AOC1: variants seen among roughly 807,000 people sequenced by gnomAD.
AOC1 encodes the protein amine oxidase copper containing 1, also known as diamine oxidase [copper-containing].
Under a neutral mutation model 57.1 loss-of-function variants are expected in AOC1, and 58 were observed. The ratio of observed to expected loss-of-function variants is 1.02; its 90% confidence interval spans 0.82 to 1.26. The LOEUF is 1.26. AOC1 is among the 50% of genes most tolerant of loss of function. The pLI is 0.00. For missense variants in AOC1, 917 were observed against 1,005.3 expected (o/e 0.91, Z 1.19); for synonymous variants, 401 against 423.4 (o/e 0.95, Z 0.65).
At position 150,858,143 on chromosome 7, in the gene AOC1, G is replaced by A. The variant is rs1348618466; in HGVS notation, c.1570+103G>A. On this transcript the variant is annotated intron_variant, in intron 2 of 4. Transcript: ENST00000360937. ...TAACTCCCTGGTGGTGGAAAGTTAG[G>A]AGCATTTGCCAAGCCTGCTTCTGTA... 50 of 1,418,612 alleles carry A rather than the reference G, an allele frequency of 3.5e-5. 1 individual carries two copies. Among genetic ancestry groups the A allele is most frequent in the Non-Finnish European group, 4.6e-5 (49 of 1,066,422 alleles). 87.9% of individuals were successfully genotyped at this position (1,418,612 alleles called of 1,614,324 possible). A position where few individuals can be genotyped will look rare whatever the true frequency, so the allele number is the denominator to read the frequency against.
At position 150,857,828 on chromosome 7, in the gene AOC1, G is replaced by T. The variant is rs765176273; in HGVS notation, c.1358G>T (p.Arg453Leu). 3 of 1,614,010 alleles carry T rather than the reference G, an allele frequency of 1.9e-6. No homozygotes were observed. The highest frequency in any genetic ancestry group is 4.5e-5 in the East Asian group (2 of 44,888). Residue 453 changes from arginine to leucine, a missense_variant, in exon 2 of 5, where the codon CGG becomes CTG. Arg to Leu is a moderately radical substitution (Grantham distance 102, BLOSUM62 -2). Coordinates refer to ENST00000360937, the MANE Select transcript of AOC1 (RefSeq NM_001091.4). The surrounding 1 kb of genome is among the most constrained non-coding windows in gnomAD (Gnocchi z 6.6). ...AGLKGQVLVL[R>L]TTSTVYNYDY... ...CTGAAGGGCCAGGTGCTGGTGCTGC[G>T]GACAACTTCAACTGTCTACAATTAT...
upstream of AOC1, chr7:150,852,422 T>C (rs1196992600): frequency 2.0e-5 from 3 of 152,524 alleles, no homozygotes; most frequent in Non-Finnish European, 4.4e-5. The surrounding 1 kb of genome is among the most constrained non-coding windows in gnomAD (Gnocchi z 4.6). Flanking sequence ...TCCCAAGCCA[T>C]AGGCCCCTCC....
At position 150,857,033 on chromosome 7, in the gene AOC1, C is replaced by T. The variant is rs1341632490; in HGVS notation, c.563C>T (p.Ala188Val). 2.5e-6 allele frequency: 4 copies of T among 1,614,066 alleles called. No homozygotes were observed. The highest frequency in any genetic ancestry group is 2.2e-5 in the East Asian group (1 of 44,886). Residue 188 changes from alanine to valine, a missense_variant, in exon 2 of 5, where the codon GCC becomes GTC. By Grantham distance (64) the Ala-to-Val change is moderately conservative. Coordinates refer to ENST00000360937, the MANE Select transcript of AOC1 (RefSeq NM_001091.4). The surrounding 1 kb of genome is among the most constrained non-coding windows in gnomAD (Gnocchi z 6.6). ...AGATGCCTGGCCTTCACCGATGTGG[C>T]CCCCCGGGGTGTGGCTTCTGGCCAG... The part of the protein sequence containing the change: ...HDRCLAFTDV[A>V]PRGVASGQRR...
In AOC1 at chr7:150,857,039, G is replaced by T; in HGVS notation, c.569G>T (p.Arg190Leu). ...CTGGCCTTCACCGATGTGGCCCCCC[G>T]GGGTGTGGCTTCTGGCCAGCGCCGC... The part of the protein sequence containing the change: ...RCLAFTDVAP[R>L]GVASGQRRSW... The change falls in exon 2 of 5, where the codon CGG becomes CTG. Residue 190 changes from arginine (R) to leucine (L), a missense_variant. By Grantham distance (102) the Arg-to-Leu change is moderately radical. Coordinates refer to ENST00000360937, the MANE Select transcript of AOC1 (RefSeq NM_001091.4). The surrounding 1 kb of genome is among the most constrained non-coding windows in gnomAD (Gnocchi z 6.6). 3 of 1,614,116 alleles carry T rather than the reference G, an allele frequency of 1.9e-6. No individual in the cohort carries two copies. Among genetic ancestry groups the T allele is most frequent in the Middle Eastern group, 1.6e-4 (1 of 6,062 alleles).
intron 3 of AOC1, 39 bp downstream of exon 3, chr7:150,859,087 C>T: frequency 6.7e-7 from 1 of 1,499,906 alleles, no homozygotes; most frequent in Non-Finnish European, 8.9e-7. Context: ...GGGTCAGTGG[C>T]TTCCCTCAGT....
rs757026341 is a variant in AOC1 at position 150,859,002 on chromosome 7, G to T, written c.1810G>T (p.Val604Leu). Residue 604 changes from valine (V) to leucine (L), a missense_variant, in exon 3 of 5, where the codon GTG (valine) becomes TTG (leucine). Coordinates refer to ENST00000360937, the MANE Select transcript of AOC1 (RefSeq NM_001091.4). ...RLQIHSMADQ[V>L]LPPGWQEEQA... ...GCAGATCCACTCCATGGCCGACCAG[G>T]TGCTGCCCCCAGGCTGGCAGGAGGA... 7.5e-6 allele frequency: 12 copies of T among 1,591,572 alleles called. No individual in the cohort carries two copies. In the African/African-American group the frequency reaches 1.1e-4, roughly 14 times the overall value.
chr7:150,857,143 AG>A lies in AOC1; in HGVS notation c.674del (p.Ser225ThrfsTer73). 1 of 1,613,900 alleles carries A rather than the reference AG, an allele frequency of 6.2e-7. No individual in the cohort carries two copies. The highest frequency in any genetic ancestry group is 8.5e-7 in the Non-Finnish European group (1 of 1,179,962). ...GCTGGAGCTCCTCGTGGATCATGGG[AG>A]CACAGATGCTGGGCACTGGGCCGTG... Reference protein sequence around the residue: ...TGLELLVDHGSTDAGHWAVEQ... With the variant: ...TGLELLVDHGXTDAGHWAVEQ... On this transcript the variant is annotated frameshift_variant, in exon 2 of 5. Coordinates refer to ENST00000360937, the MANE Select transcript of AOC1 (RefSeq NM_001091.4). LOFTEE classifies it high-confidence loss of function. The surrounding 1 kb of genome is among the most constrained non-coding windows in gnomAD (Gnocchi z 6.6).
chr7:150,861,042 C>A lies in AOC1; in HGVS notation c.2089C>A (p.Arg697=). Residue 697 remains arginine, a synonymous_variant, in exon 5 of 5, where the codon CGG becomes AGG. Transcript: ENST00000360937. The surrounding 1 kb of genome is among the most constrained non-coding windows in gnomAD (Gnocchi z 4.5). Reference sequence around the variant, plus strand: ...TGGGAACTCCGTGGGCTTCCTGCTCCGGCCATTCAACTTCTTCCCAGAGGA... The same window carrying A: ...TGGGAACTCCGTGGGCTTCCTGCTCAGGCCATTCAACTTCTTCCCAGAGGA... The part of the protein sequence containing the change: ...TPGNSVGFLL[R]PFNFFPEDPS... 1.2e-6 allele frequency: 2 copies of A among 1,614,124 alleles called. No individual in the cohort carries two copies. Among genetic ancestry groups the A allele is most frequent in the Non-Finnish European group, 1.7e-6 (2 of 1,179,982 alleles).
In AOC1 at chr7:150,856,985, T is replaced by C. The variant is rs1220774736; in HGVS notation, c.515T>C (p.Phe172Ser). 6.2e-7 allele frequency: 1 copy of C among 1,614,158 alleles called. No homozygotes were observed. The highest frequency in any genetic ancestry group is 8.5e-7 in the Non-Finnish European group (1 of 1,179,994). ...LHQFFLNTTG[F>S]SFQDCHDRCL... is the part of the protein sequence containing the mutation. The stretch of plus-strand genomic sequence containing the variant: ...CAGTTCTTCCTCAATACCACAGGCT[T>C]CTCATTCCAAGACTGCCATGACAGA... Residue 172 changes from phenylalanine to serine, a missense_variant, in exon 2 of 5, where the codon TTC (phenylalanine) becomes TCC (serine). Phe to Ser is a radical substitution (Grantham distance 155). Transcript: ENST00000360937. This position sits in a 1 kb window ranked among gnomAD's most constrained non-coding sequence, Gnocchi z 5.2.
At chr7:150,855,877 A>T (rs2268999) in intron 1 of AOC1, among the ~76,000 whole-genome samples, 50,037 of 151,434 alleles carry the variant, frequency 0.33, 9,704 homozygotes, top group African/African-American at 0.53. Context: ...TTTCATTTTA[A>T]AACTAAGAAC....
chr7:150,859,150 G>A (rs1799888590), intron 3 of AOC1, 102 bp downstream of exon 3: 2 of 1,279,462 alleles, frequency 1.6e-6, no homozygotes, highest in East Asian at 2.5e-5. Flanking sequence ...TAGTCTATGT[G>A]GATATACACA....
chr7:150,856,398 G>C lies in AOC1; in HGVS notation c.-16-57G>C, dbSNP rs1033924885. 18 of 1,523,460 alleles carry C rather than the reference G, an allele frequency of 1.2e-5. No individual in the cohort carries two copies. Among genetic ancestry groups the C allele is most frequent in the Non-Finnish European group, 1.4e-5 (16 of 1,141,224 alleles). 94.4% of individuals were successfully genotyped at this position (1,523,460 alleles called of 1,614,324 possible). A position where few individuals can be genotyped will look rare whatever the true frequency, so the allele number is the denominator to read the frequency against. On this transcript the variant is annotated intron_variant, in intron 1 of 4. Transcript: ENST00000360937. This position sits in a 1 kb window ranked among gnomAD's most constrained non-coding sequence, Gnocchi z 5.2. The stretch of plus-strand genomic sequence containing the variant: ...GGAAAATTCCATGGCCCTAACCTGA[G>C]GGAAGCCCATCTCTGCCCATAAGAC...
At chr7:150,859,886 G>A (rs1799916402) in intron 3 of AOC1, 1 of 154,342 alleles carries the variant, frequency 6.5e-6, no homozygotes, top group Non-Finnish European at 1.5e-5. Context: ...CCAAATGAAA[G>A]TGGACTTGTG....
Position 150,861,333 on chromosome 7 carries a change from G to GTTTCC in AOC1, c.*125_*126insTTCCT. On this transcript the variant is annotated 3_prime_UTR_variant, in exon 5 of 5. Transcript: ENST00000360937. This position sits in a 1 kb window ranked among gnomAD's most constrained non-coding sequence, Gnocchi z 4.5. ...TGCGGGGAGGCACAGGGCCATGTGT[G>GTTTCC]TAGGAAACACACGAACAGACGTGCA... 1 of 1,201,192 alleles carries GTTTCC rather than the reference G, an allele frequency of 8.3e-7. No individual in the cohort carries two copies. Among genetic ancestry groups the GTTTCC allele is most frequent in the Non-Finnish European group, 1.1e-6 (1 of 876,348 alleles). 74.4% of individuals were successfully genotyped at this position (1,201,192 alleles called of 1,614,324 possible).
At chr7:150,855,702 G>A (rs761607092) in intron 1 of AOC1, among the ~76,000 whole-genome samples, 17 of 152,296 alleles carry the variant, frequency 1.1e-4, no homozygotes, top group African/African-American at 2.9e-4. Flanking sequence ...TCTACATTGC[G>A]TAAAACTTTA....
intron 1 of AOC1, among the ~76,000 whole-genome samples, chr7:150,855,901 G>C (rs1321828474): frequency 6.6e-6 from 1 of 151,446 alleles, no homozygotes; most frequent in Non-Finnish European, 1.5e-5. Flanking sequence ...AAGGCCCAGA[G>C]AGTTTAAGCA....
chr7:150,859,132 G>A, intron 3 of AOC1, 84 bp downstream of exon 3: 1 of 1,383,790 alleles, frequency 7.2e-7, no homozygotes, highest in Non-Finnish European at 9.6e-7. Flanking sequence ...TTGTGTCTAT[G>A]GGGTTCCTAG....
At position 150,861,421 on chromosome 7, in the gene AOC1, C is replaced by T. The variant is rs116988168; in HGVS notation, c.*212C>T. On this transcript the variant is annotated 3_prime_UTR_variant, in exon 5 of 5. Transcript: ENST00000360937. The surrounding 1 kb of genome is among the most constrained non-coding windows in gnomAD (Gnocchi z 4.5). ...ACACACAGACGTGCACACACACAGA[C>T]GTGCACGCACTCACACGGACATGCA... The T allele has an allele frequency of 3.5e-4, 188 of 533,942 alleles. 2 individuals carry two copies. The highest frequency in any genetic ancestry group is 1.8e-3 in the African/African-American group (94 of 53,592). The allele number at this position is 533,942 out of a possible 1,614,324, so 33.1% of individuals were successfully genotyped here. A position where few individuals can be genotyped will look rare whatever the true frequency, so the allele number is the denominator to read the frequency against.
chr7:150,857,942 C>A lies in AOC1; in HGVS notation c.1472C>A (p.Thr491Asn). 1 of 1,609,822 alleles carries A rather than the reference C, an allele frequency of 6.2e-7. No individual in the cohort carries two copies. Among genetic ancestry groups the A allele is most frequent in the Non-Finnish European group, 8.5e-7 (1 of 1,179,098 alleles). Residue 491 changes from threonine to asparagine, a missense_variant, in exon 2 of 5, where the codon ACC (threonine) becomes AAC (asparagine). Thr to Asn is a moderately conservative substitution (Grantham distance 65, BLOSUM62 0). Transcript: ENST00000360937. This position sits in a 1 kb window ranked among gnomAD's most constrained non-coding sequence, Gnocchi z 6.6. ...GGCTACGTCCACGCCACCTTCTACA[C>A]CCCCGAGGGGCTGCGCCACGGCACT... The part of the protein sequence containing the change: ...ATGYVHATFY[T>N]PEGLRHGTRL...
Sources: allele counts gnomAD v4.1 joint callset (sites outside exome capture counted in the v4.1 genomes callset), GRCh38; gene constraint gnomAD v4.1.1; non-coding constraint Gnocchi (gnomAD v3.1); transcripts MANE v1.5; gene names NCBI Gene and HGNC (gene_info 2026-07-23, HGNC 2026-07-21).